The following MS4A4E variants were observed in gnomAD, a reference collection of about 807,000 sequenced individuals.
The protein encoded by MS4A4E is putative membrane-spanning 4-domains subfamily A member 4E.
MS4A4E carries 23 observed loss-of-function variants against 13.3 expected under a neutral mutation model. The ratio of observed to expected loss-of-function variants is 1.73; its 90% CI spans 1.25 to 2.45. The LOEUF is 2.45. Among genes scored for constraint, MS4A4E ranks in the 30% most tolerant of loss-of-function variants. MS4A4E has a pLI of 0.00. For missense variants in MS4A4E, 144 were observed against 131.2 expected (o/e 1.10, Z -0.48); for synonymous variants, 36 against 45.6 (o/e 0.79, Z 0.85).
chr11:60,209,920 C>T (rs1192421795), intron 5 of MS4A4E, among the ~76,000 whole-genome samples: 1 of 152,298 alleles, frequency 6.6e-6, no homozygotes, highest in Admixed American at 6.5e-5. Context: ...CTTGTGCCTT[C>T]AACAGCTGTA....
chr11:60,218,077 G>T (rs906221858), intron 3 of MS4A4E, among the ~76,000 whole-genome samples: 2 of 152,190 alleles, frequency 1.3e-5, no homozygotes, highest in Non-Finnish European at 2.9e-5. Flanking sequence ...GCGCCTGGGG[G>T]TATAGGCCTA....
intron 8 of MS4A4E, among the ~76,000 whole-genome samples, chr11:60,203,204 T>A (rs1475432231): frequency 6.6e-6 from 1 of 152,218 alleles, no homozygotes; most frequent in Non-Finnish European, 1.5e-5. Context: ...ATTTTTACTT[T>A]GTTATTTGCT....
At chr11:60,230,414 C>T (rs539600220) in intron 1 of MS4A4E, among the ~76,000 whole-genome samples, 1 of 152,326 alleles carries the variant, frequency 6.6e-6, no homozygotes, top group East Asian at 1.9e-4. Context: ...ATTACAGCCA[C>T]TTCCCCATGA....
Position 60,228,447 on chromosome 11 carries a change from A to G in MS4A4E, c.178+147T>C, listed in dbSNP as rs1288520274. 3.6e-5 allele frequency: 18 copies of G among 497,290 alleles called. No individual in the cohort carries two copies. In the East Asian group the frequency reaches 5.7e-4, roughly 16 times the overall value. The allele number at this position is 497,290 out of a possible 1,614,324, so 30.8% of individuals were successfully genotyped here. On this transcript the variant is annotated intron_variant, in intron 3 of 8. Transcript: ENST00000651255. ...AAAAATCCAGAACATTGAGGAAATCAAATGCTAGCAATTATGTAGAACAGC... is the reference window on the plus strand; with the variant it reads ...AAAAATCCAGAACATTGAGGAAATCGAATGCTAGCAATTATGTAGAACAGC...
chr11:60,225,133 A>G lies in MS4A4E; in HGVS notation c.178+3461T>C. ...AGCAAAAACTGATTATCCACCACAA[A>G]AATGGTGCTTATGCCACTCCCTTTC... is the stretch of plus-strand genomic sequence containing the variant. On this transcript the variant is annotated intron_variant, in intron 3 of 8. Transcript: ENST00000651255. The G allele has an allele frequency of 1.4e-6, 2 of 1,457,696 alleles. 1 individual carries two copies. The highest frequency in any genetic ancestry group is 2.9e-5 in the South Asian group (2 of 69,210). The allele number at this position is 1,457,696 out of a possible 1,614,324, so 90.3% of individuals were successfully genotyped here.
At chr11:60,225,574 C>A (rs762483111) in intron 3 of MS4A4E, among the ~76,000 whole-genome samples, 1 of 152,062 alleles carries the variant, frequency 6.6e-6, no homozygotes, top group African/African-American at 2.4e-5. Context: ...AAAATAGGAG[C>A]TGGAGTACAA....
chr11:60,202,976 A>C (rs2084003717), intron 8 of MS4A4E, among the ~76,000 whole-genome samples: 1 of 152,122 alleles, frequency 6.6e-6, no homozygotes, highest in African/African-American at 2.4e-5. Flanking sequence ...CCCACTTCTA[A>C]AACTTCACTG....
chr11:60,233,917 A>T (rs1034511990), intron 1 of MS4A4E, among the ~76,000 whole-genome samples: 6 of 152,246 alleles, frequency 3.9e-5, no homozygotes, highest in Non-Finnish European at 7.3e-5. Context: ...CAGCAAAGAT[A>T]TGGGAGCAGG....
chr11:60,232,664 G>T (rs959740398), intron 1 of MS4A4E, among the ~76,000 whole-genome samples: 1 of 151,966 alleles, frequency 6.6e-6, no homozygotes, highest in Non-Finnish European at 1.5e-5. Context: ...TTCTATCCCA[G>T]AGGAGGAGCT....
intron 1 of MS4A4E, among the ~76,000 whole-genome samples, chr11:60,241,882 C>G (rs1426886394): frequency 6.6e-6 from 1 of 152,164 alleles, no homozygotes; most frequent in Non-Finnish European, 1.5e-5. Context: ...CCTCCCCACC[C>G]CGGATAAAGA....
chr11:60,216,778 T>A lies in MS4A4E; in HGVS notation c.179-2164A>T, dbSNP rs1047992306. The stretch of plus-strand genomic sequence containing the variant: ...AGGGTGTTGACAAAGGAGATTAACA[T>A]TTGAGTTGGTGGACTAGGAAAGGGA... On this transcript the variant is annotated intron_variant, in intron 3 of 8. Coordinates refer to ENST00000651255, the MANE Select transcript of MS4A4E (RefSeq NM_001393391.1). 1.7e-4 allele frequency among the ~76,000 whole-genome samples: 26 copies of A among 152,148 alleles called. 1 individual carries two copies. Among genetic ancestry groups the A allele is most frequent in the African/African-American group, 5.5e-4 (23 of 41,502 alleles).
intron 1 of MS4A4E, among the ~76,000 whole-genome samples, chr11:60,234,789 A>G (rs12221613): frequency 7.0e-6 from 1 of 142,378 alleles, no homozygotes; most frequent in African/African-American, 2.6e-5. Flanking sequence ...CCCCCCCCCC[A>G]AAATAACAAA....
intron 3 of MS4A4E, among the ~76,000 whole-genome samples, chr11:60,221,685 C>CT (rs2084272321): frequency 6.6e-6 from 1 of 152,126 alleles, no homozygotes; most frequent in African/African-American, 2.4e-5. Context: ...GATTCATGGG[C>CT]TATAGCCAAT....
At chr11:60,223,474 G>A (rs1035647805) in intron 3 of MS4A4E, among the ~76,000 whole-genome samples, 2 of 152,022 alleles carry the variant, frequency 1.3e-5, no homozygotes, top group African/African-American at 2.4e-5. Context: ...GATGTGTGTG[G>A]GTTCAGGTTG....
intron 3 of MS4A4E, among the ~76,000 whole-genome samples, chr11:60,220,376 C>T (rs1049861918): frequency 5.3e-5 from 8 of 152,188 alleles, no homozygotes; most frequent in African/African-American, 1.9e-4. Context: ...TTGGTAAATG[C>T]CTTTTTCTCC....
intron 3 of MS4A4E, among the ~76,000 whole-genome samples, chr11:60,223,877 C>A (rs180905734): frequency 2.6e-5 from 4 of 152,258 alleles, no homozygotes; most frequent in Non-Finnish European, 5.9e-5. Flanking sequence ...ACTCAATACT[C>A]CCTAATAAAC....
chr11:60,242,405 G>A (rs1337148591), intron 1 of MS4A4E, among the ~76,000 whole-genome samples: 1 of 152,060 alleles, frequency 6.6e-6, no homozygotes, highest in African/African-American at 2.4e-5. Flanking sequence ...TTACTGCCTG[G>A]GTGCCACATG....
chr11:60,210,613 T>C (rs974008159), intron 5 of MS4A4E, among the ~76,000 whole-genome samples: 4 of 152,256 alleles, frequency 2.6e-5, no homozygotes, highest in Non-Finnish European at 5.9e-5. Flanking sequence ...TTAATAATTA[T>C]ATGCTTTCCA....
At chr11:60,239,229 CTG>C (rs2134976300) in intron 1 of MS4A4E, among the ~76,000 whole-genome samples, 1 of 152,294 alleles carries the variant, frequency 6.6e-6, no homozygotes, top group African/African-American at 2.4e-5. Context: ...TAACTCTACT[CTG>C]TGAATAATAC....
Sources: gnomAD v4.1 joint callset for allele counts (sites outside exome capture counted in the v4.1 genomes callset) on GRCh38, gnomAD v4.1.1 for gene constraint, MANE v1.5 for transcripts, NCBI Gene and HGNC (gene_info 2026-07-23, HGNC 2026-07-21) for gene names.